Variants in PLEKHA5 observed in about 807,000 individuals in gnomAD.
The protein encoded by PLEKHA5 is pleckstrin homology domain-containing family A member 5.
Under a neutral mutation model 181.9 loss-of-function variants are expected in PLEKHA5, and 55 were observed. The ratio of observed to expected loss-of-function variants is 0.30; its 90% CI spans 0.24 to 0.38. PLEKHA5 has a LOEUF of 0.38. Ranked by LOEUF, PLEKHA5 falls within the 10% of genes least tolerant of loss-of-function variation. The pLI is 1.00. For synonymous variants in PLEKHA5, 535 were observed against 529.4 expected (o/e 1.01, Z -0.15); for missense variants, 1,432 against 1,549.5 (o/e 0.92, Z 1.27).
rs1290328853 is a variant in PLEKHA5 at position 19,274,895 on chromosome 12, C to G, written c.1225C>G (p.Arg409Gly). The stretch of plus-strand genomic sequence containing the variant: ...AGGGCCCTTATACACAGAGGCCGAT[C>G]GAGTCATACAGAGAACAAATTCAAT... Reference protein sequence around the residue: ...NTGPLYTEADRVIQRTNSMQQ... With the variant: ...NTGPLYTEADGVIQRTNSMQQ... The change falls in exon 11 of 32, where the codon CGA becomes GGA. Residue 409 changes from arginine to glycine, a missense_variant. Around this residue, in one of 2 missense-constraint regions of PLEKHA5, gnomAD observed 1,143 missense variants for 1,168.4 expected, o/e 0.98. Transcript: ENST00000429027. 4 of 1,613,704 alleles carry G rather than the reference C, an allele frequency of 2.5e-6. No individual in the cohort carries two copies. The highest frequency in any genetic ancestry group is 3.4e-6 in the Non-Finnish European group (4 of 1,179,976).
At chr12:19,154,919 G>T (rs1428767239) in intron 3 of PLEKHA5, among the ~76,000 whole-genome samples, 2 of 152,172 alleles carry the variant, frequency 1.3e-5, no homozygotes, top group Non-Finnish European at 2.9e-5. Flanking sequence ...TTAAGTTAAA[G>T]CCAGATAAGA....
At chr12:19,292,590 C>A (rs953091124) in intron 15 of PLEKHA5, among the ~76,000 whole-genome samples, 21 of 152,302 alleles carry the variant, frequency 1.4e-4, no homozygotes, top group African/African-American at 4.3e-4. Flanking sequence ...ACATTCCTAG[C>A]ATTACCTCAG....
rs375830239 is a variant in PLEKHA5 at position 19,233,105 on chromosome 12, C to G, written c.228-20835C>G. On this transcript the variant is annotated intron_variant, in intron 3 of 31. Coordinates refer to ENST00000429027, the MANE Select transcript of PLEKHA5 (RefSeq NM_001256470.2). ...TGAGGATATGAGAGAGAGAAAGACA[C>G]TATATTTTCAAATTATTTTAAAATT... Among the ~76,000 whole-genome samples, 5 of 152,056 alleles carry G rather than the reference C, an allele frequency of 3.3e-5. No individual in the cohort carries two copies. The South Asian group carries it at 6.2e-4, about 19-fold the overall frequency.
chr12:19,152,252 C>G (rs1314911780), intron 3 of PLEKHA5: 12 of 152,138 alleles, frequency 7.9e-5, no homozygotes, highest in African/African-American at 2.9e-4. Flanking sequence ...AAAGTTCAAA[C>G]TGTGTGATGA....
At chr12:19,197,617 A>C (rs1402574789) in intron 3 of PLEKHA5, among the ~76,000 whole-genome samples, 1 of 150,742 alleles carries the variant, frequency 6.6e-6, no homozygotes, top group South Asian at 2.1e-4. Context: ...CCAAAGATAC[A>C]CCGAGCATAG....
chr12:19,316,798 T>C (rs7961028), intron 16 of PLEKHA5, among the ~76,000 whole-genome samples: 13,628 of 152,250 alleles, frequency 0.09, 662 homozygotes, highest in Middle Eastern at 0.17. Flanking sequence ...AAACTGAAAT[T>C]ATATTTTATT....
intron 20 of PLEKHA5, 74 bp downstream of exon 20, chr12:19,322,741 T>C (rs1235156080): frequency 2.1e-6 from 2 of 956,548 alleles, no homozygotes; most frequent in African/African-American, 3.3e-5. Flanking sequence ...TTTTTTTTAA[T>C]ACTGGGCTCT....
chr12:19,201,539 T>G (rs905949712), intron 3 of PLEKHA5: 2 of 152,116 alleles, frequency 1.3e-5, no homozygotes, highest in African/African-American at 2.4e-5. Flanking sequence ...GTTGATAGCA[T>G]TATTCATAAC....
intron 3 of PLEKHA5, among the ~76,000 whole-genome samples, chr12:19,177,379 C>T (rs1263691940): frequency 6.6e-6 from 1 of 151,998 alleles, no homozygotes; most frequent in Non-Finnish European, 1.5e-5. Context: ...GTGGTAGAAA[C>T]CAGATTTCAT....
chr12:19,171,375 TA>T (rs529096781), intron 3 of PLEKHA5, among the ~76,000 whole-genome samples: 6 of 152,296 alleles, frequency 3.9e-5, no homozygotes, highest in South Asian at 4.1e-4. Context: ...TCATACCCTG[TA>T]AAAAAATAGC....
At chr12:19,179,930 A>G (rs1274186947) in intron 3 of PLEKHA5, among the ~76,000 whole-genome samples, 1 of 152,134 alleles carries the variant, frequency 6.6e-6, no homozygotes, top group African/African-American at 2.4e-5. Flanking sequence ...CAACTCCTAG[A>G]CTCAAGATAT....
intron 15 of PLEKHA5, among the ~76,000 whole-genome samples, chr12:19,292,181 G>A (rs775616910): frequency 1.3e-4 from 20 of 152,162 alleles, no homozygotes; most frequent in Admixed American, 1.1e-3. Flanking sequence ...TGAGGCAGGC[G>A]GCTCACTGGA....
chr12:19,184,966 C>G (rs2049486307), intron 3 of PLEKHA5, among the ~76,000 whole-genome samples: 1 of 152,142 alleles, frequency 6.6e-6, no homozygotes, highest in South Asian at 2.1e-4. Context: ...GAGGCAAATG[C>G]AGTGCTTACA....
chr12:19,321,360 CTTTTTTTTTTTTT>C (rs1158507411), intron 18 of PLEKHA5, among the ~76,000 whole-genome samples: 1 of 24,206 alleles, frequency 4.1e-5, no homozygotes, highest in Non-Finnish European at 1.0e-4. Flanking sequence ...CTTTTCTTTT[CTTTTTTTTTTTTT>C]TTTTTTTTGA....
chr12:19,269,981 G>A (rs577560077), intron 9 of PLEKHA5, 96 bp downstream of exon 9: 1 of 677,612 alleles, frequency 1.5e-6, no homozygotes, highest in East Asian at 2.8e-5. Flanking sequence ...CATTTTAATA[G>A]TCATGGTATG....
intron 3 of PLEKHA5, among the ~76,000 whole-genome samples, chr12:19,164,245 G>A (rs2043745636): frequency 7.0e-6 from 1 of 143,770 alleles, no homozygotes; most frequent in Admixed American, 7.1e-5. Flanking sequence ...GTTGCCCAGG[G>A]TGGAGTGCAG....
intron 20 of PLEKHA5, among the ~76,000 whole-genome samples, chr12:19,329,650 C>T (rs991237293): frequency 6.6e-6 from 1 of 152,018 alleles, no homozygotes; most frequent in African/African-American, 2.4e-5. Context: ...TCTAAGAATC[C>T]TTTGTATGTC....
chr12:19,270,017 G>A, intron 9 of PLEKHA5, 132 bp downstream of exon 9: 1 of 635,804 alleles, frequency 1.6e-6, no homozygotes, highest in Non-Finnish European at 2.7e-6. Flanking sequence ...CAGAAAGCAA[G>A]GATCAATTCC....
At chr12:19,138,904 A>T (rs2036483001) in intron 3 of PLEKHA5, among the ~76,000 whole-genome samples, 1 of 152,154 alleles carries the variant, frequency 6.6e-6, no homozygotes, top group African/African-American at 2.4e-5. Context: ...TGTCAGGCTG[A>T]GGTTTTTATT....
Sources: allele counts gnomAD v4.1 joint callset (sites outside exome capture counted in the v4.1 genomes callset), GRCh38; gene constraint gnomAD v4.1.1; regional missense constraint gnomAD v4.1.1; transcripts MANE v1.5; gene names NCBI Gene and HGNC (gene_info 2026-07-23, HGNC 2026-07-21).